Variants in SLC12A8 observed in about 807,000 individuals in gnomAD.
The protein encoded by SLC12A8 is cation-chloride cotransporter 9.
In SLC12A8, 69 loss-of-function variants were observed where a neutral mutation model predicts 75.6. That is an observed-to-expected ratio of 0.91 (90% CI 0.75 to 1.11). The LOEUF is 1.11. Ranked by LOEUF, SLC12A8 falls within the 50% of genes most tolerant of loss-of-function variation. The pLI is 0.00. For missense variants in SLC12A8, 877 were observed against 896.7 expected, an observed-to-expected ratio of 0.98 and a Z score of 0.28; for synonymous variants, 365 against 372.8, an observed-to-expected ratio of 0.98 and a Z score of 0.24.
chr3:125,162,763 T>A (rs958004551), intron 5 of SLC12A8, among the ~76,000 whole-genome samples: 9 of 152,160 alleles, frequency 5.9e-5, no homozygotes, highest in African/African-American at 2.2e-4. Context: ...AACAAGTACC[T>A]ACCTAGGTAG....
chr3:125,184,381 T>G (rs1934729915), intron 4 of SLC12A8, among the ~76,000 whole-genome samples: 1 of 152,208 alleles, frequency 6.6e-6, no homozygotes. Context: ...GCTGATTATT[T>G]TGGTAAATAA....
At chr3:125,101,273 C>T (rs1053176912) in intron 10 of SLC12A8, among the ~76,000 whole-genome samples, 26 of 152,234 alleles carry the variant, frequency 1.7e-4, no homozygotes, top group East Asian at 9.7e-4. Context: ...TGGGCTTCAG[C>T]GAAATAGCTC....
chr3:125,177,912 G>A lies in SLC12A8; in HGVS notation c.453C>T (p.Leu151=), dbSNP rs367975555. 1.7e-5 allele frequency: 27 copies of A among 1,613,996 alleles called. No individual in the cohort carries two copies. Among genetic ancestry groups the A allele is most frequent in the African/African-American group, 1.5e-4 (11 of 74,920 alleles). Residue 151 remains leucine, a synonymous_variant, in exon 5 of 14, where the codon CTC becomes CTT. Coordinates refer to ENST00000469902, the MANE Select transcript of SLC12A8 (RefSeq NM_024628.6). ...TTCCTCGCACAGCCCAGATATTCCC[G>A]AGGCCCAGCAAATCCGAGATGGATT... ...FAESISDLLG[L]GNIWAVRGIS... is the part of the protein sequence containing the mutation.
At chr3:125,197,541 C>T (rs1206932170) in intron 2 of SLC12A8, among the ~76,000 whole-genome samples, 2 of 152,222 alleles carry the variant, frequency 1.3e-5, no homozygotes, top group Non-Finnish European at 2.9e-5. Context: ...ATCCTCCTGT[C>T]TCAGCCCTGC....
intron 5 of SLC12A8, among the ~76,000 whole-genome samples, chr3:125,148,993 C>T (rs372388189): frequency 2.6e-5 from 4 of 152,154 alleles, no homozygotes; most frequent in African/African-American, 4.8e-5. Context: ...CAGGATGTGT[C>T]GGCCCACCCC....
At chr3:125,120,822 G>A (rs1242263191) in intron 6 of SLC12A8, 136 bp from the exon 7 acceptor site, 2 of 726,532 alleles carry the variant, frequency 2.8e-6, no homozygotes, top group South Asian at 1.5e-5. Context: ...GCAGCTCTGC[G>A]CATAGGCTGC....
In SLC12A8 at chr3:125,083,791, T is replaced by C; in HGVS notation, c.*99A>G. The C allele has an allele frequency of 1.7e-6, 2 of 1,209,774 alleles. No homozygotes were observed. Among genetic ancestry groups the C allele is most frequent in the Non-Finnish European group, 1.2e-6 (1 of 864,744 alleles). The allele number at this position is 1,209,774 out of a possible 1,614,324, so 74.9% of individuals were successfully genotyped here. ...CAAAGTGACAGCGGGAGGATGGGTC[T>C]TGAGTTTCTCAGGTTGGAGAAGCAG... On this transcript the variant is annotated 3_prime_UTR_variant, in exon 14 of 14. Transcript: ENST00000469902.
chr3:125,092,550 G>A (rs1381859010), intron 10 of SLC12A8, among the ~76,000 whole-genome samples: 1 of 152,060 alleles, frequency 6.6e-6, no homozygotes, highest in Non-Finnish European at 1.5e-5. Flanking sequence ...TGGCTTCCAG[G>A]TGTGACCACC....
chr3:125,118,785 A>C lies in SLC12A8; in HGVS notation c.896T>G (p.Phe299Cys). ...CTCACTCACCTTTTCCGCTATCAGG[A>C]AGTCATAGCGAAGGGCCTCTCGAGT... is the stretch of plus-strand genomic sequence containing the variant. Reference protein sequence around the residue: ...ICTREALRYDFLIAEKVSLMG... With the variant: ...ICTREALRYDCLIAEKVSLMG... The change falls in exon 8 of 14, where the codon TTC (phenylalanine) becomes TGC (cysteine). Residue 299 changes from phenylalanine (F) to cysteine (C), a missense_variant. Coordinates refer to ENST00000469902, the MANE Select transcript of SLC12A8 (RefSeq NM_024628.6). 1 of 1,613,414 alleles carries C rather than the reference A, an allele frequency of 6.2e-7. No individual in the cohort carries two copies. The highest frequency in any genetic ancestry group is 8.5e-7 in the Non-Finnish European group (1 of 1,179,464).
chr3:125,124,333 G>A (rs1187847397), intron 6 of SLC12A8, among the ~76,000 whole-genome samples: 1 of 151,964 alleles, frequency 6.6e-6, no homozygotes, highest in Non-Finnish European at 1.5e-5. Context: ...TGTTTGTTTG[G>A]ATTTTTTTTT....
Position 125,192,813 on chromosome 3 carries a change from C to A in SLC12A8, c.52-2292G>T, listed in dbSNP as rs372200323. The A allele has an allele frequency of 1.7e-4, 26 of 154,578 alleles. 1 individual carries two copies. In the South Asian group the frequency reaches 2.4e-3, roughly 14 times the overall value. The allele number at this position is 154,578 out of a possible 1,614,324, so 9.6% of individuals were successfully genotyped here. ...CACCACATGACAAAAAACTATAACTCAGTCTTCCCACAGTCTGCTCATCGG... is the reference window on the plus strand; with the variant it reads ...CACCACATGACAAAAAACTATAACTAAGTCTTCCCACAGTCTGCTCATCGG... On this transcript the variant is annotated intron_variant, in intron 2 of 13. Coordinates refer to ENST00000469902, the MANE Select transcript of SLC12A8 (RefSeq NM_024628.6).
At chr3:125,208,603 T>C (rs908784174) in intron 2 of SLC12A8, among the ~76,000 whole-genome samples, 4 of 151,940 alleles carry the variant, frequency 2.6e-5, no homozygotes, top group Non-Finnish European at 5.9e-5. Context: ...AACGGAGGCT[T>C]AGTGAGGTTA....
chr3:125,159,343 C>T (rs531421212), intron 5 of SLC12A8, among the ~76,000 whole-genome samples: 1 of 152,152 alleles, frequency 6.6e-6, no homozygotes, highest in Non-Finnish European at 1.5e-5. Flanking sequence ...CAATCCTCCC[C>T]CCTTGGTCTC....
At chr3:125,127,775 T>C (rs1312450921) in intron 6 of SLC12A8, among the ~76,000 whole-genome samples, 1 of 152,256 alleles carries the variant, frequency 6.6e-6, no homozygotes, top group African/African-American at 2.4e-5. Context: ...TCGATATTTA[T>C]AATTGTTTTG....
chr3:125,166,474 T>C (rs1168528918), intron 5 of SLC12A8, among the ~76,000 whole-genome samples: 1 of 152,104 alleles, frequency 6.6e-6, no homozygotes, highest in African/African-American at 2.4e-5. Flanking sequence ...TGAACTTGAG[T>C]CAGGTTTCCC....
At chr3:125,086,660 T>A (rs1938467624) in intron 13 of SLC12A8, among the ~76,000 whole-genome samples, 1 of 152,086 alleles carries the variant, frequency 6.6e-6, no homozygotes. Flanking sequence ...GGAGAAGAGA[T>A]CAGTGAAGAA....
In SLC12A8 at chr3:125,211,747, G is replaced by A. The variant is rs149729000; in HGVS notation, c.-45-353C>T. On this transcript the variant is annotated intron_variant, in intron 1 of 13. Coordinates refer to ENST00000469902, the MANE Select transcript of SLC12A8 (RefSeq NM_024628.6). ...CTCCTCTCCCACCCTCAAGTGCCTC[G>A]TGAACCCCTCTCTCCAGGAGGAGGG... Among the ~76,000 whole-genome samples, 286 of 152,230 alleles carry A rather than the reference G, an allele frequency of 1.9e-3. 3 individuals carry two copies. The highest frequency in any genetic ancestry group is 6.6e-3 in the African/African-American group (275 of 41,530).
rs373665310 is a variant in SLC12A8 at position 125,118,794 on chromosome 3, C to T, written c.887G>A (p.Arg296His). 12 of 1,613,606 alleles carry T rather than the reference C, an allele frequency of 7.4e-6. No homozygotes were observed. In the African/African-American group the frequency reaches 8.0e-5, roughly 11 times the overall value. ...LGAICTREALRYDFLIAEKVS... is the reference protein window; with the variant it reads ...LGAICTREALHYDFLIAEKVS... The stretch of plus-strand genomic sequence containing the variant: ...CTTTTCCGCTATCAGGAAGTCATAG[C>T]GAAGGGCCTCTCGAGTGCAGATGGC... Residue 296 changes from arginine to histidine, a missense_variant, in exon 8 of 14, where the codon CGC becomes CAC. Arg to His is a conservative substitution (Grantham distance 29). Transcript: ENST00000469902.
intron 2 of SLC12A8, among the ~76,000 whole-genome samples, chr3:125,209,762 C>A (rs912256927): frequency 6.6e-6 from 1 of 152,218 alleles, no homozygotes; most frequent in African/African-American, 2.4e-5. Context: ...TCACGGAGGG[C>A]CCTGGCGGCC....
Sources: gnomAD v4.1 joint callset for allele counts (sites outside exome capture counted in the v4.1 genomes callset) on GRCh38, gnomAD v4.1.1 for gene constraint, MANE v1.5 for transcripts, NCBI Gene and HGNC (gene_info 2026-07-23, HGNC 2026-07-21) for gene names.